The following DPYD variants were observed in gnomAD, a reference collection of about 807,000 sequenced individuals.
The protein encoded by DPYD is dihydropyrimidine dehydrogenase [NADP(+)].
A neutral mutation model predicts 116.2 loss-of-function variants in DPYD; 109 were observed. That is an observed-to-expected ratio of 0.94 (90% CI 0.80 to 1.10). The LOEUF (loss-of-function observed/expected upper bound fraction) is 1.10, where lower values mean the gene tolerates loss of function less well. DPYD is among the 50% of genes least tolerant of loss of function. The pLI is 0.00. For missense variants in DPYD, 1,302 were observed against 1,254.5 expected (o/e 1.04, Z -0.57); for synonymous variants, 440 against 432.0 (o/e 1.02, Z -0.23).
chr1:97,821,677 A>T (rs1181324026), intron 3 of DPYD, among the ~76,000 whole-genome samples: 1 of 152,188 alleles, frequency 6.6e-6, no homozygotes, highest in East Asian at 1.9e-4. Flanking sequence ...GACTATGTAG[A>T]AGTTGGACAA....
chr1:97,283,584 CATATT>C lies in DPYD; in HGVS notation c.2299+21670_2299+21674del, dbSNP rs377096109. ...TTCATTTCTAATTTGAACTAAATGC[CATATT>C]ATGAGTCTTTTATTATAACTCAATT... is the stretch of plus-strand genomic sequence containing the variant. On this transcript the variant is annotated intron_variant, in intron 18 of 22. Coordinates refer to ENST00000370192, the MANE Select transcript of DPYD (RefSeq NM_000110.4). Among the ~76,000 whole-genome samples, 34 of 152,072 alleles carry C rather than the reference CATATT, an allele frequency of 2.2e-4. No homozygotes were observed. The East Asian group carries it at 5.4e-3, about 24-fold the overall frequency.
Position 97,137,127 on chromosome 1 carries a change from G to A in DPYD, c.2623-38495C>T, listed in dbSNP as rs373443870. 2.0e-5 allele frequency among the ~76,000 whole-genome samples: 3 copies of A among 152,262 alleles called. No homozygotes were observed. In the East Asian group the frequency reaches 5.8e-4, roughly 30 times the overall value. ...GGCTGGTGCTGTGGTACTGTGCCGT[G>A]CTTGTGTCTTTTGTTGCTGTGGAAC... On this transcript the variant is annotated intron_variant, in intron 20 of 22. Transcript: ENST00000370192.
chr1:97,335,141 C>A (rs897695742), intron 16 of DPYD, among the ~76,000 whole-genome samples: 5 of 152,086 alleles, frequency 3.3e-5, no homozygotes, highest in African/African-American at 1.2e-4. Context: ...GTAGAGGCTG[C>A]TTCCTAAATT....
chr1:97,699,305 T>A, intron 6 of DPYD, 46 bp downstream of exon 6: 1 of 1,567,394 alleles, frequency 6.4e-7, no homozygotes, highest in Non-Finnish European at 8.8e-7. Flanking sequence ...ATTGTTTTGC[T>A]CCATCATTTC....
intron 7 of DPYD, among the ~76,000 whole-genome samples, chr1:97,681,829 A>ATAT (rs1182264535): frequency 6.6e-6 from 1 of 152,182 alleles, no homozygotes; most frequent in African/African-American, 2.4e-5. Context: ...TTCTAATAGA[A>ATAT]TATTAGCAAA....
chr1:97,857,988 C>T (rs1319698384), intron 2 of DPYD, among the ~76,000 whole-genome samples: 2 of 151,882 alleles, frequency 1.3e-5, no homozygotes, highest in Admixed American at 6.6e-5. Context: ...TGAATGATTG[C>T]TGTGTTGTAT....
chr1:97,489,244 T>G (rs1452611533), intron 13 of DPYD, among the ~76,000 whole-genome samples: 2 of 152,236 alleles, frequency 1.3e-5, no homozygotes, highest in African/African-American at 2.4e-5. Flanking sequence ...TGTGCTACAT[T>G]AAGCAAGCGC....
intron 12 of DPYD, among the ~76,000 whole-genome samples, chr1:97,536,684 G>T (rs12568733): frequency 0.19 from 29,267 of 152,148 alleles, 3,447 homozygotes; most frequent in East Asian, 0.48. Context: ...CAACTATACT[G>T]ATGCTGGTAA....
intron 20 of DPYD, among the ~76,000 whole-genome samples, chr1:97,188,460 T>C (rs1344226386): frequency 6.6e-6 from 1 of 152,198 alleles, no homozygotes; most frequent in Non-Finnish European, 1.5e-5. Flanking sequence ...CATGTAGCAT[T>C]GTGCTAGGTG....
chr1:97,749,151 C>A (rs1415568534), intron 3 of DPYD, among the ~76,000 whole-genome samples: 1 of 152,146 alleles, frequency 6.6e-6, no homozygotes, highest in African/African-American at 2.4e-5. Flanking sequence ...CAAAATATTT[C>A]TCATGTTCCA....
chr1:97,652,964 C>A (rs1195825727), intron 8 of DPYD, among the ~76,000 whole-genome samples: 1 of 152,142 alleles, frequency 6.6e-6, no homozygotes, highest in Non-Finnish European at 1.5e-5. Context: ...TTTCAAGTCT[C>A]CGTGTTATGG....
Position 97,549,706 on chromosome 1 carries a change from C to A in DPYD, c.1378G>T (p.Gly460Cys). ...GTTTCTGGATCTACTTCTGGGAGAC[C>A]CCATCTGTTAAATTTTATAGGGCTC... is the stretch of plus-strand genomic sequence containing the variant. ...ALSPIKFNRW[G>C]LPEVDPETMQ... Residue 460 changes from glycine (G) to cysteine (C), a missense_variant, in exon 12 of 23, where the codon GGT becomes TGT. Coordinates refer to ENST00000370192, the MANE Select transcript of DPYD (RefSeq NM_000110.4). 1 of 1,613,572 alleles carries A rather than the reference C, an allele frequency of 6.2e-7. No homozygotes were observed. The highest frequency in any genetic ancestry group is 8.5e-7 in the Non-Finnish European group (1 of 1,179,814).
At chr1:97,138,333 A>C (rs1653958516) in intron 20 of DPYD, among the ~76,000 whole-genome samples, 1 of 152,132 alleles carries the variant, frequency 6.6e-6, no homozygotes, top group Non-Finnish European at 1.5e-5. Context: ...TTGGTGACCA[A>C]GGGGAGACAA....
At chr1:97,323,400 A>G (rs913717022) in intron 16 of DPYD, among the ~76,000 whole-genome samples, 40 of 38,518 alleles carry the variant, frequency 1.0e-3, no homozygotes, top group South Asian at 2.5e-3. Flanking sequence ...ATGTATACAT[A>G]TGTGTATATG....
chr1:97,205,088 C>T (rs12066332), intron 19 of DPYD, among the ~76,000 whole-genome samples: 4,153 of 152,146 alleles, frequency 0.027, 155 homozygotes, highest in African/African-American at 0.088. Context: ...CCAAACTCGG[C>T]ACCTTCCCCA....
rs1313420943 is a variant in DPYD at position 97,323,369 on chromosome 1, T to TAC, written c.2059-17074_2059-17073dup. Among the ~76,000 whole-genome samples the TAC allele has an allele frequency of 3.1e-4, 39 of 125,390 alleles. 2 individuals are homozygous for TAC. The highest frequency in any genetic ancestry group is 1.2e-3 in the African/African-American group (37 of 30,400). The allele number at this position is 125,390 out of a possible 152,430, so 82.3% of individuals were successfully genotyped here. ...ACATGTGTATATGTACACGTATGTA[T>TAC]ACATGTGTATATGTACACGTATGTA... On this transcript the variant is annotated intron_variant, in intron 16 of 22. Coordinates refer to ENST00000370192, the MANE Select transcript of DPYD (RefSeq NM_000110.4).
intron 20 of DPYD, among the ~76,000 whole-genome samples, chr1:97,173,355 T>C (rs1656964610): frequency 6.7e-6 from 1 of 149,450 alleles, no homozygotes; most frequent in African/African-American, 2.5e-5. Context: ...CACACATATA[T>C]GTACATATAT....
chr1:97,826,046 A>T (rs200250262), intron 3 of DPYD, among the ~76,000 whole-genome samples: 50 of 114,070 alleles, frequency 4.4e-4, no homozygotes, highest in African/African-American at 1.6e-3. Flanking sequence ...GTGTGTGTGT[A>T]AGTAAAATGT....
chr1:97,250,046 C>T lies in DPYD; in HGVS notation c.2300-15052G>A, dbSNP rs548122052. ...CAGCACTTTGGGAGGCCAAGGCGGG[C>T]GGATCACGAGGTCAGGAGTTGGAGA... On this transcript the variant is annotated intron_variant, in intron 18 of 22. Transcript: ENST00000370192. Among the ~76,000 whole-genome samples, 59 of 152,080 alleles carry T rather than the reference C, an allele frequency of 3.9e-4. No individual in the cohort carries two copies. The South Asian group carries it at 5.6e-3, about 14-fold the overall frequency.
Sources: allele counts gnomAD v4.1 joint callset (sites outside exome capture counted in the v4.1 genomes callset), GRCh38; gene constraint gnomAD v4.1.1; transcripts MANE v1.5; gene names NCBI Gene and HGNC (gene_info 2026-07-23, HGNC 2026-07-21).